KCNC4: variants seen among roughly 807,000 people sequenced by gnomAD.
KCNC4 encodes the protein potassium voltage-gated channel subfamily C member 4.
Under a neutral mutation model 42.8 loss-of-function variants are expected in KCNC4, and 23 were observed. The observed-to-expected ratio is 0.54, with a 90% confidence interval of 0.39 to 0.76. KCNC4 has a LOEUF of 0.76. Among genes scored for constraint, KCNC4 ranks in the 30% least tolerant of loss-of-function variants. The probability of loss-of-function intolerance (pLI) is 0.00; values close to 1 mark genes in which losing one functional copy is unlikely to be tolerated. For missense variants in KCNC4, 751 were observed against 898.2 expected (o/e 0.84, Z 2.10); for synonymous variants, 422 against 393.5 (o/e 1.07, Z -0.86).
In KCNC4 at chr1:110,217,658, C is replaced by T. The variant is rs532963106; in HGVS notation, c.679-5306C>T. On this transcript the variant is annotated intron_variant, in intron 1 of 3. Transcript: ENST00000438661. Reference sequence around the variant, plus strand: ...TGAGAGGCCCCAAGTGCTGGCTCGTCGGAGGGTGAGCATAGGTAGAGGTGG... The same window carrying T: ...TGAGAGGCCCCAAGTGCTGGCTCGTTGGAGGGTGAGCATAGGTAGAGGTGG... Among the ~76,000 whole-genome samples, 7 of 152,220 alleles carry T rather than the reference C, an allele frequency of 4.6e-5. No homozygotes were observed. The South Asian group carries it at 8.3e-4, about 18-fold the overall frequency.
chr1:110,219,561 G>T (rs988287234), intron 1 of KCNC4, among the ~76,000 whole-genome samples: 3 of 152,078 alleles, frequency 2.0e-5, no homozygotes, highest in African/African-American at 7.2e-5. Context: ...AGGGAGGCTC[G>T]GATCTCCACT....
At chr1:110,278,695 G>A (rs551864695) in intron 1 of KCNC4, among the ~76,000 whole-genome samples, 24 of 152,164 alleles carry the variant, frequency 1.6e-4, no homozygotes, top group East Asian at 5.8e-4. Flanking sequence ...CTGTGCCTAC[G>A]TCCTGAACTC....
chr1:110,259,355 A>C (rs768916591), intron 1 of KCNC4, among the ~76,000 whole-genome samples: 1 of 152,170 alleles, frequency 6.6e-6, no homozygotes, highest in Non-Finnish European at 1.5e-5. Flanking sequence ...TTCCATATGG[A>C]ATTGAAGCAT....
chr1:110,244,330 T>C (rs957463309), exon 4 of KCNC4: 1 of 152,130 alleles, frequency 6.6e-6, no homozygotes, highest in African/African-American at 2.4e-5. Flanking sequence ...ACCTCTAAAT[T>C]AGTCACGGCA....
downstream of KCNC4, chr1:110,234,561 G>A (rs1261195941): frequency 1.3e-5 from 2 of 152,232 alleles, no homozygotes; most frequent in Admixed American, 6.5e-5. Context: ...GTGAGTGATG[G>A]TCAGACGTGG....
chr1:110,273,942 C>A (rs1247039972), intron 1 of KCNC4, among the ~76,000 whole-genome samples: 2 of 152,124 alleles, frequency 1.3e-5, no homozygotes, highest in African/African-American at 4.8e-5. Flanking sequence ...AAGGAGCTTC[C>A]TTAGGACTAA....
intron 1 of KCNC4, among the ~76,000 whole-genome samples, chr1:110,273,261 G>A (rs1462312482): frequency 6.6e-6 from 1 of 152,138 alleles, no homozygotes; most frequent in African/African-American, 2.4e-5. Flanking sequence ...ACATAGATAT[G>A]GGCCTGACCC....
At chr1:110,229,950 T>C (rs1433327437) in intron 3 of KCNC4, among the ~76,000 whole-genome samples, 1 of 152,182 alleles carries the variant, frequency 6.6e-6, no homozygotes, top group Non-Finnish European at 1.5e-5. Flanking sequence ...CCAGATCTGC[T>C]CCTTCCATGG....
exon 4 of KCNC4, chr1:110,242,103 A>G (rs1384902152): frequency 6.6e-6 from 1 of 152,398 alleles, no homozygotes; most frequent in Non-Finnish European, 1.5e-5. Context: ...ACCATGTGCC[A>G]GCCAAGTCTC....
At chr1:110,231,442 C>T (rs1244221618) in intron 3 of KCNC4, among the ~76,000 whole-genome samples, 3 of 152,184 alleles carry the variant, frequency 2.0e-5, no homozygotes. Flanking sequence ...GAAAAGCAAT[C>T]TAAGGCCATT....
chr1:110,213,677 C>T (rs1428728651), intron 1 of KCNC4, among the ~76,000 whole-genome samples: 1 of 152,218 alleles, frequency 6.6e-6, no homozygotes, highest in Non-Finnish European at 1.5e-5. Flanking sequence ...GGGTTTCTTT[C>T]CTTGCAGCCC....
intron 1 of KCNC4, among the ~76,000 whole-genome samples, chr1:110,275,345 A>G (rs1042688401): frequency 2.6e-5 from 4 of 152,228 alleles, no homozygotes; most frequent in African/African-American, 9.6e-5. Context: ...AGTTATTATT[A>G]AAAAGTCAAA....
downstream of KCNC4, among the ~76,000 whole-genome samples, chr1:110,249,302 T>C (rs777032168): frequency 1.5e-4 from 23 of 152,218 alleles, no homozygotes; most frequent in Non-Finnish European, 2.4e-4. Flanking sequence ...TGCAAGAATA[T>C]GTCTCTTCCC....
At chr1:110,234,798 GTCTTACTCCTCAC>G (rs909502060), downstream of KCNC4, 1 of 152,106 alleles carries the variant, frequency 6.6e-6, no homozygotes, top group African/African-American at 2.4e-5. Flanking sequence ...CCTTATTCTT[GTCTTACTCCTCAC>G]TCTTACTCTG....
intron 1 of KCNC4, among the ~76,000 whole-genome samples, chr1:110,258,086 T>C (rs1015199494): frequency 2.6e-5 from 4 of 152,148 alleles, no homozygotes; most frequent in Admixed American, 2.6e-4. Context: ...CTAAATGGAT[T>C]TGAGCTTGTG....
intron 1 of KCNC4, among the ~76,000 whole-genome samples, chr1:110,270,381 A>C (rs1481815890): frequency 1.3e-5 from 2 of 152,232 alleles, no homozygotes; most frequent in African/African-American, 4.8e-5. Flanking sequence ...CTGCGTGATT[A>C]AGAGAGGGAA....
chr1:110,230,379 C>T (rs1233618412), intron 3 of KCNC4, among the ~76,000 whole-genome samples: 5 of 152,178 alleles, frequency 3.3e-5, no homozygotes, highest in South Asian at 2.1e-4. Context: ...CCCCCAACAG[C>T]GAGAGGACTC....
intron 1 of KCNC4, among the ~76,000 whole-genome samples, chr1:110,274,084 GA>G (rs1659679121): frequency 6.6e-6 from 1 of 152,124 alleles, no homozygotes; most frequent in Non-Finnish European, 1.5e-5. Context: ...CTTATATCTA[GA>G]AAGCCCTAAA....
rs1658180972 is a variant in KCNC4 at position 110,222,982 on chromosome 1, CTCT to C, written c.703_705del (p.Phe235del). 1.2e-6 allele frequency: 2 copies of C among 1,613,522 alleles called. No homozygotes were observed. Among genetic ancestry groups the C allele is most frequent in the South Asian group, 1.1e-5 (1 of 91,062 alleles). ...CCCATAGGTAGTGGCCTTTGCCTCT[CTCT>C]TCTTCATCCTGGTCTCCATCACCAC... On this transcript the variant is annotated inframe_deletion, in exon 2 of 4. Transcript: ENST00000438661.
Sources: gnomAD v4.1 joint callset for allele counts (sites outside exome capture counted in the v4.1 genomes callset) on GRCh38, gnomAD v4.1.1 for gene constraint, MANE v1.5 for transcripts, NCBI Gene and HGNC (gene_info 2026-07-23, HGNC 2026-07-21) for gene names.